The following KALRN variants were observed in gnomAD, a reference collection of about 807,000 sequenced individuals.
KALRN encodes the protein kalirin RhoGEF kinase.
Under a neutral mutation model 353.7 loss-of-function variants are expected in KALRN, and 70 were observed. That is an observed-to-expected ratio of 0.20 (90% CI 0.16 to 0.24). KALRN has a LOEUF of 0.24. Ranked by LOEUF, KALRN falls within the 10% of genes least tolerant of loss-of-function variation. The pLI, the probability that KALRN is intolerant of heterozygous loss-of-function variation, is 1.00. For synonymous variants in KALRN, 1,391 were observed against 1,434.8 expected, an observed-to-expected ratio of 0.97 and a Z score of 0.69; for missense variants, 2,791 against 3,756.7, an observed-to-expected ratio of 0.74 and a Z score of 6.72.
intron 37 of KALRN, among the ~76,000 whole-genome samples, chr3:124,645,474 A>G (rs956793297): frequency 2.6e-5 from 4 of 152,190 alleles, no homozygotes; most frequent in African/African-American, 7.2e-5. Flanking sequence ...AAAATGTTTA[A>G]GTCTTTAATA....
chr3:124,139,739 T>A, intron 1 of KALRN, among the ~76,000 whole-genome samples: 1 of 152,100 alleles, frequency 6.6e-6, no homozygotes, highest in South Asian at 2.1e-4. Flanking sequence ...CTGTGGGGGA[T>A]TGGATGTGAG....
chr3:124,487,204 A>T (rs556107966), intron 28 of KALRN, among the ~76,000 whole-genome samples: 4 of 152,318 alleles, frequency 2.6e-5, no homozygotes, highest in Admixed American at 2.6e-4. Flanking sequence ...AAAAATGAAA[A>T]GCCAACATTC....
At chr3:124,039,368 G>A (rs1265503697) in intron 1 of KALRN, among the ~76,000 whole-genome samples, 3 of 152,136 alleles carry the variant, frequency 2.0e-5, no homozygotes, top group Admixed American at 2.0e-4. Flanking sequence ...TTGTTATTTA[G>A]CCTTTCCATA....
chr3:124,536,784 G>C (rs572886905), intron 33 of KALRN, among the ~76,000 whole-genome samples: 1 of 152,212 alleles, frequency 6.6e-6, no homozygotes, highest in South Asian at 2.1e-4. Context: ...CCTCAAAATT[G>C]ATGATGCCAC....
chr3:124,425,725 C>T (rs1464969594), intron 15 of KALRN, among the ~76,000 whole-genome samples: 1 of 152,150 alleles, frequency 6.6e-6, no homozygotes, highest in Non-Finnish European at 1.5e-5. Context: ...GTGGTAAATT[C>T]AACTCCCTAA....
chr3:124,566,512 A>G (rs944476552), intron 34 of KALRN, among the ~76,000 whole-genome samples: 1 of 152,008 alleles, frequency 6.6e-6, no homozygotes, highest in Non-Finnish European at 1.5e-5. Context: ...CTCAAAAAAA[A>G]AAAAAAAGGA....
At chr3:124,353,278 C>T (rs2083032271) in intron 10 of KALRN, among the ~76,000 whole-genome samples, 1 of 152,066 alleles carries the variant, frequency 6.6e-6, no homozygotes, top group Non-Finnish European at 1.5e-5. Context: ...ATCAGCAAAC[C>T]TACCATAGTA....
At chr3:124,126,220 A>G (rs529645874) in intron 1 of KALRN, among the ~76,000 whole-genome samples, 21 of 152,198 alleles carry the variant, frequency 1.4e-4, no homozygotes, top group African/African-American at 3.9e-4. Context: ...AAAATTAATC[A>G]TGAGTGAAAT....
intron 34 of KALRN, among the ~76,000 whole-genome samples, chr3:124,598,312 G>A (rs1391268120): frequency 2.0e-5 from 3 of 152,170 alleles, no homozygotes; most frequent in Non-Finnish European, 4.4e-5. Flanking sequence ...AAAGAAGGTC[G>A]GAAGACTTTC....
rs333301 is a variant in KALRN at position 124,658,202 on chromosome 3, G to C, written c.6037-229G>C. On this transcript the variant is annotated intron_variant, in intron 41 of 59. Transcript: ENST00000682506. Reference sequence around the variant, plus strand: ...TTTCTTCTCTTCTGCTCTTCCTTGAGTGACCTTCTTTCTCAGCCCTCTCTA... The same window carrying C: ...TTTCTTCTCTTCTGCTCTTCCTTGACTGACCTTCTTTCTCAGCCCTCTCTA... Among the ~76,000 whole-genome samples the C allele has an allele frequency of 0.66, 99,961 of 152,096 alleles. 33,927 individuals carry two copies. The highest frequency in any genetic ancestry group is 0.9 in the East Asian group (4,666 of 5,176).
At chr3:124,367,465 A>AC (rs1250802736) in intron 10 of KALRN, among the ~76,000 whole-genome samples, 1 of 56,566 alleles carries the variant, frequency 1.8e-5, no homozygotes, top group Non-Finnish European at 3.2e-5. Flanking sequence ...CGGGGGGCTG[A>AC]CCCCCCCACC....
At position 124,632,403 on chromosome 3, in the gene KALRN, C is replaced by T; in HGVS notation, c.5183-17C>T. On this transcript the variant is annotated splice_polypyrimidine_tract_variant and intron_variant, in intron 34 of 59. Transcript: ENST00000682506. The stretch of plus-strand genomic sequence containing the variant: ...TTCACCACCTCTGACATGGCTGTGT[C>T]TGTCCGTTTTCCTCAGATGCATACT... 1 of 1,612,258 alleles carries T rather than the reference C, an allele frequency of 6.2e-7. No individual in the cohort carries two copies. The highest frequency in any genetic ancestry group is 8.5e-7 in the Non-Finnish European group (1 of 1,178,638).
At chr3:124,629,624 GA>G (rs1361149285) in intron 34 of KALRN, among the ~76,000 whole-genome samples, 1 of 151,976 alleles carries the variant, frequency 6.6e-6, no homozygotes, top group African/African-American at 2.4e-5. Flanking sequence ...CTTCTATTCA[GA>G]TACAGCTCTT....
intron 33 of KALRN, among the ~76,000 whole-genome samples, chr3:124,499,313 G>T (rs970521605): frequency 2.6e-5 from 4 of 152,186 alleles, no homozygotes; most frequent in Non-Finnish European, 5.9e-5. Context: ...GACACTCTGT[G>T]TCACATTGCA....
intron 1 of KALRN, among the ~76,000 whole-genome samples, chr3:124,111,941 G>A (rs1026153654): frequency 2.0e-5 from 3 of 152,198 alleles, no homozygotes; most frequent in African/African-American, 7.2e-5. Flanking sequence ...TCCACTGAAT[G>A]AGCTGGGTCC....
chr3:124,659,906 A>ATAATCAATATATATTATAAAG (rs2084609195), intron 43 of KALRN, among the ~76,000 whole-genome samples: 1 of 148,592 alleles, frequency 6.7e-6, no homozygotes, highest in Non-Finnish European at 1.5e-5. Flanking sequence ...TATTTTATAT[A>ATAATCAATATATATTATAAAG]TAATCAATAT....
intron 1 of KALRN, among the ~76,000 whole-genome samples, chr3:124,195,022 A>C (rs2075293458): frequency 6.6e-6 from 1 of 152,186 alleles, no homozygotes; most frequent in African/African-American, 2.4e-5. Flanking sequence ...TAATTGTTGC[A>C]AATATTATAG....
At chr3:124,311,064 C>CTTTTTTTTTTTTTTTTTTTTT (rs71145446) in intron 6 of KALRN, among the ~76,000 whole-genome samples, 5 of 67,526 alleles carry the variant, frequency 7.4e-5, no homozygotes, top group Non-Finnish European at 1.3e-4. Flanking sequence ...GATACTACTT[C>CTTTTTTTTTTTTTTTTTTTTT]TTTTTTTTTT....
intron 33 of KALRN, among the ~76,000 whole-genome samples, chr3:124,516,587 A>G (rs1289693396): frequency 1.3e-5 from 2 of 151,414 alleles, no homozygotes; most frequent in Non-Finnish European, 2.9e-5. Context: ...TTATAAGACT[A>G]TTAAATCCTG....
Sources: allele counts gnomAD v4.1 joint callset (sites outside exome capture counted in the v4.1 genomes callset), GRCh38; gene constraint gnomAD v4.1.1; transcripts MANE v1.5; gene names NCBI Gene and HGNC (gene_info 2026-07-23, HGNC 2026-07-21).